NME7: variants seen among roughly 807,000 people sequenced by gnomAD.
NME7 encodes the protein nucleoside diphosphate kinase 7.
NME7 carries 41 observed loss-of-function variants against 49.1 expected under a neutral mutation model. The observed-to-expected ratio is 0.83, with a 90% confidence interval of 0.65 to 1.08. The LOEUF is 1.08. Ranked by LOEUF, NME7 falls within the 50% of genes least tolerant of loss-of-function variation. The probability of loss-of-function intolerance (pLI) is 0.00; values close to 1 mark genes in which losing one functional copy is unlikely to be tolerated. For synonymous variants in NME7, 139 were observed against 150.6 expected (o/e 0.92, Z 0.56); for missense variants, 423 against 463.4 (o/e 0.91, Z 0.80).
intron 7 of NME7, among the ~76,000 whole-genome samples, chr1:169,238,477 G>GCACACACACA (rs138287537): frequency 0.021 from 2,585 of 124,068 alleles, 29 homozygotes; most frequent in East Asian, 0.063. Flanking sequence ...ATGCACAAAG[G>GCACACACACA]CACACACACA....
intron 6 of NME7, among the ~76,000 whole-genome samples, chr1:169,297,936 A>T (rs1232400822): frequency 2.0e-5 from 3 of 152,208 alleles, no homozygotes; most frequent in African/African-American, 7.2e-5. Flanking sequence ...GGTAGGAAAA[A>T]GAAAGAAATC....
chr1:169,144,681 C>A (rs1658699628), intron 11 of NME7, among the ~76,000 whole-genome samples: 1 of 152,094 alleles, frequency 6.6e-6, no homozygotes, highest in Non-Finnish European at 1.5e-5. Context: ...CAGTGAATGG[C>A]ACAAACAGGC....
chr1:169,338,669 TG>T (rs1030533944), intron 1 of NME7, among the ~76,000 whole-genome samples: 7 of 152,212 alleles, frequency 4.6e-5, no homozygotes, highest in Non-Finnish European at 7.3e-5. Flanking sequence ...CTAAAAAGGT[TG>T]AACTTTCCTT....
At chr1:169,313,984 A>T (rs1393371519) in intron 3 of NME7, among the ~76,000 whole-genome samples, 1 of 152,158 alleles carries the variant, frequency 6.6e-6, no homozygotes, top group Non-Finnish European at 1.5e-5. Flanking sequence ...ATTCAGAATG[A>T]AGCACAGAGA....
intron 10 of NME7, among the ~76,000 whole-genome samples, chr1:169,191,843 A>G (rs1195982288): frequency 6.6e-6 from 1 of 152,138 alleles, no homozygotes; most frequent in Non-Finnish European, 1.5e-5. Context: ...AAAAAATGGC[A>G]TCATCAATAA....
At chr1:169,239,389 A>T (rs1647991815) in intron 7 of NME7, among the ~76,000 whole-genome samples, 1 of 152,186 alleles carries the variant, frequency 6.6e-6, no homozygotes, top group South Asian at 2.1e-4. Flanking sequence ...ACAGAGTATG[A>T]AGATGAAAGA....
chr1:169,225,650 T>C (rs966745324), intron 10 of NME7, among the ~76,000 whole-genome samples: 9 of 152,228 alleles, frequency 5.9e-5, no homozygotes, highest in Admixed American at 5.9e-4. Flanking sequence ...ATTATTACTT[T>C]GTAGATAGTA....
intron 1 of NME7, among the ~76,000 whole-genome samples, chr1:169,348,864 T>A (rs1352061129): frequency 6.8e-6 from 1 of 146,340 alleles, no homozygotes; most frequent in Non-Finnish European, 1.5e-5. Flanking sequence ...TAAATTTCTA[T>A]AGCTACATAA....
At chr1:169,286,953 C>CA (rs71121752) in intron 7 of NME7, 30,799 of 118,462 alleles carry the variant, frequency 0.26, 3,961 homozygotes, top group Admixed American at 0.37. Context: ...GACTCTGTCT[C>CA]AAAAAAAAAA....
chr1:169,184,019 CTT>C (rs969045584), intron 10 of NME7, among the ~76,000 whole-genome samples: 1 of 151,182 alleles, frequency 6.6e-6, no homozygotes, highest in African/African-American at 2.4e-5. Flanking sequence ...AAAAGAAAAA[CTT>C]TTTATTAGGA....
At chr1:169,341,326 C>T (rs539683963) in intron 1 of NME7, among the ~76,000 whole-genome samples, 38 of 152,302 alleles carry the variant, frequency 2.5e-4, no homozygotes, top group African/African-American at 8.9e-4. Context: ...GTTGGGATTG[C>T]AGGTACGCAG....
At chr1:169,207,533 T>C (rs906224597) in intron 10 of NME7, among the ~76,000 whole-genome samples, 3 of 151,962 alleles carry the variant, frequency 2.0e-5, no homozygotes, top group Admixed American at 2.0e-4. Context: ...ACACCTTCAC[T>C]ATCACAGAAG....
At chr1:169,224,402 C>T (rs1348904983) in intron 10 of NME7, among the ~76,000 whole-genome samples, 9 of 152,148 alleles carry the variant, frequency 5.9e-5, no homozygotes, top group Non-Finnish European at 1.3e-4. Context: ...GTTGTCTTTC[C>T]AAGTCTGAAC....
intron 6 of NME7, among the ~76,000 whole-genome samples, chr1:169,287,869 T>C (rs1384481681): frequency 6.6e-6 from 1 of 152,154 alleles, no homozygotes; most frequent in African/African-American, 2.4e-5. Flanking sequence ...TAAAACTAAC[T>C]ATAGGCCTAG....
chr1:169,246,332 A>G (rs531543595), intron 7 of NME7, among the ~76,000 whole-genome samples: 5 of 152,204 alleles, frequency 3.3e-5, no homozygotes, highest in South Asian at 2.1e-4. Context: ...ATCAAAATAA[A>G]TAAGAGTTTG....
intron 10 of NME7, among the ~76,000 whole-genome samples, chr1:169,177,897 C>T (rs1325385284): frequency 6.6e-6 from 1 of 152,064 alleles, no homozygotes; most frequent in Non-Finnish European, 1.5e-5. Flanking sequence ...AGTGCAGTGG[C>T]GTGATCGCGG....
intron 7 of NME7, among the ~76,000 whole-genome samples, chr1:169,273,598 C>T (rs1649575977): frequency 7.7e-6 from 1 of 130,194 alleles, no homozygotes; most frequent in African/African-American, 2.6e-5. Flanking sequence ...TCTCCTAATG[C>T]TATCCCTCCC....
chr1:169,196,983 T>TA (rs1374495561), intron 10 of NME7, among the ~76,000 whole-genome samples: 2 of 152,172 alleles, frequency 1.3e-5, no homozygotes, highest in Non-Finnish European at 2.9e-5. Context: ...GGTAGCCTGA[T>TA]AGAGTAGCCA....
chr1:169,284,154 C>T (rs1265165759), intron 7 of NME7: 1 of 152,004 alleles, frequency 6.6e-6, no homozygotes, highest in Non-Finnish European at 1.5e-5. Context: ...TCTTTTTATT[C>T]TTTTTTCTCT....
Sources: gnomAD v4.1 joint callset for allele counts (sites outside exome capture counted in the v4.1 genomes callset) on GRCh38, gnomAD v4.1.1 for gene constraint, MANE v1.5 for transcripts, NCBI Gene and HGNC (gene_info 2026-07-23, HGNC 2026-07-21) for gene names.